The following SENP7 variants were observed in gnomAD, a reference collection of about 807,000 sequenced individuals.
SENP7 encodes the protein SUMO specific peptidase 7, also known as sentrin-specific protease 7.
A neutral mutation model predicts 141.2 loss-of-function variants in SENP7; 64 were observed. That is an observed-to-expected ratio of 0.45 (90% CI 0.37 to 0.56). The LOEUF is 0.56. Ranked by LOEUF, SENP7 falls within the 20% of genes least tolerant of loss-of-function variation. The pLI, the probability that SENP7 is intolerant of heterozygous loss-of-function variation, is 0.00. For synonymous variants in SENP7, 382 were observed against 426.4 expected (o/e 0.90, Z 1.28); for missense variants, 1,025 against 1,212.2 (o/e 0.85, Z 2.29).
intron 5 of SENP7, among the ~76,000 whole-genome samples, chr3:101,410,961 G>A (rs1010121499): frequency 1.3e-5 from 2 of 152,052 alleles, no homozygotes; most frequent in Non-Finnish European, 2.9e-5. Context: ...GTTCAGAAGG[G>A]TGAAAATGCA....
chr3:101,349,532 T>G (rs1269264198), intron 12 of SENP7, among the ~76,000 whole-genome samples: 3 of 152,160 alleles, frequency 2.0e-5, no homozygotes, highest in African/African-American at 4.8e-5. Context: ...AATAGTTTGC[T>G]GAGAATGATG....
At chr3:101,388,132 T>C (rs2060711777) in intron 6 of SENP7, among the ~76,000 whole-genome samples, 1 of 152,138 alleles carries the variant, frequency 6.6e-6, no homozygotes, top group Non-Finnish European at 1.5e-5. Flanking sequence ...CAAAAGTCTA[T>C]GAACCACCAC....
At chr3:101,431,361 G>T (rs961701787) in intron 4 of SENP7, among the ~76,000 whole-genome samples, 1 of 151,880 alleles carries the variant, frequency 6.6e-6, no homozygotes. Context: ...AATCTGGGTG[G>T]TCCTGTAGTA....
intron 6 of SENP7, among the ~76,000 whole-genome samples, chr3:101,373,152 C>CTGTA (rs2060227873): frequency 6.6e-6 from 1 of 151,980 alleles, no homozygotes; most frequent in African/African-American, 2.4e-5. Flanking sequence ...GTTATTGCTG[C>CTGTA]TATTACACTG....
intron 3 of SENP7, among the ~76,000 whole-genome samples, chr3:101,478,999 T>G (rs1435026767): frequency 1.3e-5 from 2 of 152,118 alleles, no homozygotes; most frequent in East Asian, 1.9e-4. Flanking sequence ...TAAAATAATG[T>G]CTCACTTTAT....
At chr3:101,393,103 C>T (rs1225136361) in intron 6 of SENP7, among the ~76,000 whole-genome samples, 4 of 152,186 alleles carry the variant, frequency 2.6e-5, no homozygotes, top group Non-Finnish European at 4.4e-5. Flanking sequence ...AAAGGATACC[C>T]TCTTCAATAA....
chr3:101,361,008 G>T (rs372738685), intron 11 of SENP7, among the ~76,000 whole-genome samples: 2 of 152,022 alleles, frequency 1.3e-5, no homozygotes, highest in Admixed American at 1.3e-4. Context: ...GTTCAAGACC[G>T]GCTTGGCGAA....
rs751169243 is a variant in SENP7, at chr3:101,417,760, T to C, written c.315A>G (p.Leu105=). ...TGAATTTTCGTCCTAAATCCGTCCA[T>C]AGGACATTCGTCAACATAACTTTGA... ...RQLKVMLTNV[L]WTDLGRKFRK... The change falls in exon 5 of 24, where the codon CTA becomes CTG. Residue 105 remains leucine (L), a synonymous_variant. Coordinates refer to ENST00000394095, the MANE Select transcript of SENP7 (RefSeq NM_020654.5). 3.7e-6 allele frequency: 6 copies of C among 1,613,824 alleles called. No homozygotes were observed. In the South Asian group the frequency reaches 4.4e-5, roughly 12 times the overall value.
chr3:101,374,544 C>T (rs2060266233), intron 6 of SENP7, among the ~76,000 whole-genome samples: 2 of 151,910 alleles, frequency 1.3e-5, no homozygotes, highest in Admixed American at 1.3e-4. Flanking sequence ...TTGCTTGAGG[C>T]CAGGAGTTCA....
At chr3:101,392,416 G>A (rs889766509) in intron 6 of SENP7, among the ~76,000 whole-genome samples, 3 of 151,342 alleles carry the variant, frequency 2.0e-5, no homozygotes, top group Non-Finnish European at 4.4e-5. Flanking sequence ...CGAACTAGCT[G>A]GAAAAAAAAT....
chr3:101,498,773 A>C (rs3846091), intron 2 of SENP7, among the ~76,000 whole-genome samples: 103,622 of 151,998 alleles, frequency 0.68, 35,834 homozygotes, highest in African/African-American at 0.78. Flanking sequence ...GGCCTGCACT[A>C]CCCCTCCTGT....
intron 4 of SENP7, among the ~76,000 whole-genome samples, chr3:101,444,917 T>A (rs2062832514): frequency 6.6e-6 from 1 of 150,788 alleles, no homozygotes; most frequent in Admixed American, 6.6e-5. Context: ...AATAAATAAA[T>A]AAAAATAATA....
intron 1 of SENP7, among the ~76,000 whole-genome samples, chr3:101,511,460 C>G (rs2317704): frequency 0.4 from 60,414 of 152,066 alleles, 12,518 homozygotes; most frequent in Admixed American, 0.54. Flanking sequence ...CAAATGACAC[C>G]AGCTAAGCAT....
chr3:101,424,902 G>C (rs551803280), intron 4 of SENP7, among the ~76,000 whole-genome samples: 25 of 152,278 alleles, frequency 1.6e-4, no homozygotes, highest in African/African-American at 6.0e-4. Flanking sequence ...GGAGTTCACT[G>C]AATCATAGTG....
chr3:101,342,146 A>G (rs1020967436), intron 14 of SENP7, among the ~76,000 whole-genome samples: 4 of 152,186 alleles, frequency 2.6e-5, no homozygotes, highest in Non-Finnish European at 5.9e-5. Context: ...ATATATAAAC[A>G]ATATAATTAG....
intron 11 of SENP7, chr3:101,357,757 CT>C (rs1387444246): frequency 1.6e-6 from 1 of 638,952 alleles, no homozygotes; most frequent in Non-Finnish European, 2.9e-6. Context: ...GGAAAAAAAA[CT>C]TTTAAATGTA....
At chr3:101,333,194 T>C (rs1459128231) in intron 17 of SENP7, 8 of 247,454 alleles carry the variant, frequency 3.2e-5, no homozygotes, top group African/African-American at 1.3e-4. Flanking sequence ...TATAAAATAC[T>C]GTCATTAAAC....
At chr3:101,458,586 G>GT (rs2063436961) in intron 4 of SENP7, 1 of 164,280 alleles carries the variant, frequency 6.1e-6, no homozygotes, top group South Asian at 1.6e-4. Context: ...GCAGATGTCT[G>GT]TTTCTGCCCC....
chr3:101,502,368 T>A (rs1318567528), intron 1 of SENP7, among the ~76,000 whole-genome samples: 4 of 152,212 alleles, frequency 2.6e-5, no homozygotes, highest in Non-Finnish European at 4.4e-5. Context: ...AATGGCACAA[T>A]CTCGGCTCAC....
Sources: allele counts gnomAD v4.1 joint callset (sites outside exome capture counted in the v4.1 genomes callset), GRCh38; gene constraint gnomAD v4.1.1; transcripts MANE v1.5; gene names NCBI Gene and HGNC (gene_info 2026-07-23, HGNC 2026-07-21).